ERGIC3: variants seen among roughly 807,000 people sequenced by gnomAD.
ERGIC3 encodes the protein ERGIC and golgi 3.
ERGIC3 carries 33 observed loss-of-function variants against 54.7 expected under a neutral mutation model. The ratio of observed to expected loss-of-function variants is 0.60; its 90% CI spans 0.46 to 0.81. The LOEUF (loss-of-function observed/expected upper bound fraction) is 0.81, where lower values mean the gene tolerates loss of function less well. ERGIC3 is among the 30% of genes least tolerant of loss of function. ERGIC3 has a pLI of 0.00. For missense variants in ERGIC3, 399 were observed against 488.4 expected (o/e 0.82, Z 1.73); for synonymous variants, 186 against 189.8 (o/e 0.98, Z 0.16).
At position 35,556,341 on chromosome 20, in the gene ERGIC3, C is replaced by T. The variant is rs756597403; in HGVS notation, c.879+70C>T. ...GCACTGGAGTTCCTGCATTTCGTTC[C>T]GTCAGCCTGGGGAGTGAAAGCTGCC... On this transcript the variant is annotated intron_variant, in intron 10 of 12. Coordinates refer to ENST00000348547, the MANE Select transcript of ERGIC3 (RefSeq NM_015966.3). 1.9e-5 allele frequency: 29 copies of T among 1,542,714 alleles called. 1 individual carries two copies. Among genetic ancestry groups the T allele is most frequent in the Admixed American group, 8.4e-5 (5 of 59,474 alleles).
At chr20:35,551,352 C>T (rs2064680836) in intron 7 of ERGIC3, among the ~76,000 whole-genome samples, 2 of 150,710 alleles carry the variant, frequency 1.3e-5, no homozygotes, top group African/African-American at 4.9e-5. Flanking sequence ...AGACTCAGGG[C>T]AGGTTTAGAT....
intron 2 of ERGIC3, 28 bp from the exon 3 acceptor site, chr20:35,542,485 A>G (rs950729838): frequency 1.2e-6 from 2 of 1,613,854 alleles, no homozygotes; most frequent in Non-Finnish European, 1.7e-6. Context: ...GTTTGGGGCT[A>G]AGTCTTACTG....
chr20:35,547,191 A>G (rs538029143), intron 4 of ERGIC3: 6 of 504,754 alleles, frequency 1.2e-5, no homozygotes, highest in South Asian at 8.4e-5. Flanking sequence ...GTACACAGCT[A>G]ATGTTCAGTA....
intron 8 of ERGIC3, among the ~76,000 whole-genome samples, chr20:35,555,627 C>T (rs1319568638): frequency 6.6e-6 from 1 of 151,976 alleles, no homozygotes; most frequent in Admixed American, 6.6e-5. Flanking sequence ...ACTCTGTGTG[C>T]CTAACGTACA....
At chr20:35,543,438 A>C in intron 4 of ERGIC3, 1 of 355,948 alleles carries the variant, frequency 2.8e-6, no homozygotes, top group Non-Finnish European at 5.6e-6. Context: ...ATAAAACAGT[A>C]GTACCAACCA....
intron 7 of ERGIC3, among the ~76,000 whole-genome samples, chr20:35,553,019 G>GTTTTTTTT (rs2064689546): frequency 7.9e-5 from 1 of 12,632 alleles, no homozygotes; most frequent in African/African-American, 1.8e-4. Flanking sequence ...CAAAGCTGGG[G>GTTTTTTTT]ATTTTTTTTT....
chr20:35,553,020 A>ATTTTTTTGTTTTTT (rs2064689908), intron 7 of ERGIC3, among the ~76,000 whole-genome samples: 1 of 41,552 alleles, frequency 2.4e-5, no homozygotes, highest in African/African-American at 8.3e-5. Context: ...AAAGCTGGGG[A>ATTTTTTTGTTTTTT]TTTTTTTTTT....
chr20:35,542,399 G>C lies in ERGIC3; in HGVS notation c.159+6G>C, dbSNP rs779276367. On this transcript the variant is annotated splice_donor_region_variant and intron_variant, in intron 2 of 12. Coordinates refer to ENST00000348547, the MANE Select transcript of ERGIC3 (RefSeq NM_015966.3). ...AGTATTACCTCACCACGGAGGTAAG[G>C]GGCGGGGCTTAGTGCGTGGGCGGGG... 2 of 1,613,972 alleles carry C rather than the reference G, an allele frequency of 1.2e-6. No homozygotes were observed. The highest frequency in any genetic ancestry group is 2.2e-5 in the South Asian group (2 of 91,088).
In ERGIC3 at chr20:35,542,995, C is replaced by T. The variant is rs1016234370; in HGVS notation, c.367+54C>T. Reference sequence around the variant, plus strand: ...ATCCCAAAGCTGGATGTACCCAAGCCTATCTGCTAGCAAGTGAACTGTGGC... The same window carrying T: ...ATCCCAAAGCTGGATGTACCCAAGCTTATCTGCTAGCAAGTGAACTGTGGC... On this transcript the variant is annotated intron_variant, in intron 4 of 12. Coordinates refer to ENST00000348547, the MANE Select transcript of ERGIC3 (RefSeq NM_015966.3). 9 of 1,610,538 alleles carry T rather than the reference C, an allele frequency of 5.6e-6. No individual in the cohort carries two copies. The Admixed American group carries it at 1.0e-4, about 18-fold the overall frequency.
chr20:35,548,974 C>A (rs45484699), intron 7 of ERGIC3, 109 bp downstream of exon 7: 1 of 1,325,358 alleles, frequency 7.5e-7, no homozygotes, highest in Non-Finnish European at 1.1e-6. Flanking sequence ...ACCATTTGGC[C>A]AGAGCAGGCC....
At chr20:35,549,473 C>G (rs2064670206) in intron 7 of ERGIC3, 1 of 343,182 alleles carries the variant, frequency 2.9e-6, no homozygotes. Flanking sequence ...ACCTACTAGT[C>G]TAGTTGCTAA....
Position 35,542,886 on chromosome 20 carries a change from C to A in ERGIC3, c.312C>A (p.Phe104Leu). Residue 104 changes from phenylalanine to leucine, a missense_variant, in exon 4 of 13, where the codon TTC becomes TTA. Physicochemically the swap from Phe to Leu is conservative, Grantham distance 22. Transcript: ENST00000348547. The stretch of plus-strand genomic sequence containing the variant: ...AGCTGGATGTGGAACACAACCTGTT[C>A]AAGCAACGACTAGATAAAGATGGCA... ...EQQLDVEHNLFKQRLDKDGIP... is the reference protein window; with the variant it reads ...EQQLDVEHNLLKQRLDKDGIP... 2 of 1,614,082 alleles carry A rather than the reference C, an allele frequency of 1.2e-6. No homozygotes were observed. Among genetic ancestry groups the A allele is most frequent in the South Asian group, 2.2e-5 (2 of 91,038 alleles).
intron 7 of ERGIC3, chr20:35,554,733 C>T: frequency 1.7e-6 from 1 of 591,766 alleles, no homozygotes; most frequent in Non-Finnish European, 3.0e-6. Flanking sequence ...TAGTGAGAGC[C>T]CATAGTCGGT....
rs201814399 is a variant in ERGIC3 at position 35,547,434 on chromosome 20, G to A, written c.390G>A (p.Thr130=). 142 of 1,613,990 alleles carry A rather than the reference G, an allele frequency of 8.8e-5. No individual in the cohort carries two copies. Among genetic ancestry groups the A allele is most frequent in the Middle Eastern group, 4.9e-4 (3 of 6,084 alleles). ...ERHELGKVEV[T]VFDPDSLDPD... Reference sequence around the variant, plus strand: ...TAGAGCTTGGGAAAGTCGAGGTGACGGTGTTTGACCCTGACTCCCTGGACC... The same window carrying A: ...TAGAGCTTGGGAAAGTCGAGGTGACAGTGTTTGACCCTGACTCCCTGGACC... The change falls in exon 5 of 13, where the codon ACG becomes ACA. Residue 130 remains threonine (T), a synonymous_variant. Coordinates refer to ENST00000348547, the MANE Select transcript of ERGIC3 (RefSeq NM_015966.3).
intron 7 of ERGIC3, among the ~76,000 whole-genome samples, chr20:35,553,791 A>G (rs748323814): frequency 6.6e-6 from 1 of 152,160 alleles, no homozygotes; most frequent in Non-Finnish European, 1.5e-5. Flanking sequence ...TGTTGGCACA[A>G]GGTCTGGCGG....
At chr20:35,551,767 T>G (rs749592099) in intron 7 of ERGIC3, among the ~76,000 whole-genome samples, 14 of 152,206 alleles carry the variant, frequency 9.2e-5, no homozygotes, top group Middle Eastern at 3.2e-3. Context: ...GAATTGACCA[T>G]GGCATGTACA....
At chr20:35,555,404 G>T (rs1252705707) in intron 8 of ERGIC3, among the ~76,000 whole-genome samples, 1 of 152,156 alleles carries the variant, frequency 6.6e-6, no homozygotes, top group African/African-American at 2.4e-5. Context: ...AGACCACACC[G>T]GACTCAGAGG....
intron 7 of ERGIC3, chr20:35,554,764 C>T: frequency 1.7e-6 from 1 of 594,332 alleles, no homozygotes; most frequent in Non-Finnish European, 3.0e-6. Context: ...TCCGGAGATG[C>T]AGGCAGGGCC....
At position 35,548,690 on chromosome 20, in the gene ERGIC3, A is replaced by G. The variant is rs759620258; in HGVS notation, c.627+16A>G. 1.2e-6 allele frequency: 2 copies of G among 1,614,248 alleles called. No homozygotes were observed. The highest frequency in any genetic ancestry group is 1.3e-5 in the African/African-American group (1 of 75,074). On this transcript the variant is annotated intron_variant, in intron 6 of 12. Transcript: ENST00000348547. ...AGTCAATAAGGTATCAGGAGGGATCAAGACAAGATAGGGCCAGCTGGGCTG... is the reference window on the plus strand; with the variant it reads ...AGTCAATAAGGTATCAGGAGGGATCGAGACAAGATAGGGCCAGCTGGGCTG...
Sources: allele counts gnomAD v4.1 joint callset (sites outside exome capture counted in the v4.1 genomes callset), GRCh38; gene constraint gnomAD v4.1.1; transcripts MANE v1.5; gene names NCBI Gene and HGNC (gene_info 2026-07-23, HGNC 2026-07-21).